PPM1L: variants seen among roughly 807,000 people sequenced by gnomAD.
The protein encoded by PPM1L is protein phosphatase 1L.
In PPM1L, 13 loss-of-function variants were observed where a neutral mutation model predicts 31.4. The ratio of observed to expected loss-of-function variants is 0.41; its 90% confidence interval spans 0.27 to 0.66. The LOEUF is 0.66. Ranked by LOEUF, PPM1L falls within the 30% of genes least tolerant of loss-of-function variation. The probability of loss-of-function intolerance (pLI) is 0.29; values close to 1 mark genes in which losing one functional copy is unlikely to be tolerated. For missense variants in PPM1L, 326 were observed against 453.7 expected (o/e 0.72, Z 2.56); for synonymous variants, 184 against 175.4 (o/e 1.05, Z -0.39).
chr3:160,870,365 A>G (rs1404863625), intron 1 of PPM1L, among the ~76,000 whole-genome samples: 1 of 152,252 alleles, frequency 6.6e-6, no homozygotes, highest in East Asian at 1.9e-4. Context: ...TTGCTAATGA[A>G]GACATCAGAA....
At chr3:160,961,634 T>C (rs7616249) in intron 1 of PPM1L, 102 bp from the exon 2 acceptor site, 380,719 of 972,508 alleles carry the variant, frequency 0.39, 78,429 homozygotes, top group East Asian at 0.73. Flanking sequence ...AGGGTTGGTT[T>C]CACAGTGCTT....
chr3:161,073,342 AAGAACACCCTTTGG>A lies in PPM1L; in HGVS notation c.*4186_*4199del, dbSNP rs1264056878. 6.6e-6 allele frequency: 1 copy of A among 152,180 alleles called. No individual in the cohort carries two copies. The highest frequency in any genetic ancestry group is 1.9e-4 in the East Asian group (1 of 5,190). The allele number at this position is 152,180 out of a possible 1,614,324, so 9.4% of individuals were successfully genotyped here. On this transcript the variant is annotated 3_prime_UTR_variant, in exon 4 of 4. Coordinates refer to ENST00000498165, the MANE Select transcript of PPM1L (RefSeq NM_139245.4). ...AACACTGCAAGGAACTTGTGTTCTA[AAGAACACCCTTTGG>A]GAAATTCTGGTATATTGAAATATTG...
rs552711640 is a variant in PPM1L at position 160,874,269 on chromosome 3, A to G, written c.400-87467A>G. ...ATTCTTTTTAGCAGTGGTGGTGTTG[A>G]GAGTCCAGCGACATCATTGTCTAGT... On this transcript the variant is annotated intron_variant, in intron 1 of 3. Transcript: ENST00000498165. Among the ~76,000 whole-genome samples the G allele has an allele frequency of 9.8e-5, 15 of 152,294 alleles. No individual in the cohort carries two copies. The East Asian group carries it at 2.5e-3, about 26-fold the overall frequency.
rs1428433202 is a variant in PPM1L at position 161,068,803 on chromosome 3, C to G, written c.737-8C>G. On this transcript the variant is annotated splice_polypyrimidine_tract_variant and splice_region_variant and intron_variant, in intron 3 of 3. Coordinates refer to ENST00000498165, the MANE Select transcript of PPM1L (RefSeq NM_139245.4). ...GGTCAAACTAATGGGCTCATCCTGT[C>G]TTTCTAGGTGGTTTCATCAGTTTCA... 6.2e-7 allele frequency: 1 copy of G among 1,601,150 alleles called. No homozygotes were observed. The highest frequency in any genetic ancestry group is 2.2e-5 in the East Asian group (1 of 44,790).
At chr3:160,934,226 T>C (rs751804537) in intron 1 of PPM1L, among the ~76,000 whole-genome samples, 7 of 152,228 alleles carry the variant, frequency 4.6e-5, no homozygotes, top group Non-Finnish European at 7.3e-5. Context: ...CTTTTGATTT[T>C]CTGTGCTCCC....
intron 2 of PPM1L, among the ~76,000 whole-genome samples, chr3:160,971,714 T>A (rs1260153524): frequency 6.6e-6 from 1 of 152,222 alleles, no homozygotes; most frequent in East Asian, 1.9e-4. Flanking sequence ...TGGTTATATG[T>A]TGGTGCCTTA....
rs76529484 is a variant in PPM1L at position 160,837,428 on chromosome 3, G to A, written c.399+80721G>A. Among the ~76,000 whole-genome samples the A allele has an allele frequency of 1.8e-4, 28 of 152,326 alleles. No individual in the cohort carries two copies. In the East Asian group the frequency reaches 5.4e-3, roughly 29 times the overall value. On this transcript the variant is annotated intron_variant, in intron 1 of 3. Coordinates refer to ENST00000498165, the MANE Select transcript of PPM1L (RefSeq NM_139245.4). ...GATAAATGAATTTCCTTGACTTCAA[G>A]CCACTGTTATTGTCAAGATAAAGTT...
rs978950165 is a variant in PPM1L, at chr3:161,069,254, T to C, written c.*97T>C. The C allele has an allele frequency of 4.3e-6, 4 of 929,204 alleles. No homozygotes were observed. Among genetic ancestry groups the C allele is most frequent in the Non-Finnish European group, 6.3e-6 (4 of 633,104 alleles). 57.6% of individuals were successfully genotyped at this position (929,204 alleles called of 1,614,324 possible). On this transcript the variant is annotated 3_prime_UTR_variant, in exon 4 of 4. Transcript: ENST00000498165. ...AGTGTGGGAGTTGTAATTAGGATCA[T>C]CCACCCCAGACATGGAATCCCCCCT...
intron 1 of PPM1L, among the ~76,000 whole-genome samples, chr3:160,900,416 T>C (rs1713500861): frequency 6.6e-6 from 1 of 152,108 alleles, no homozygotes; most frequent in Non-Finnish European, 1.5e-5. Context: ...TATATTTTCT[T>C]TCCTACTAGC....
intron 1 of PPM1L, among the ~76,000 whole-genome samples, chr3:160,960,254 A>T (rs991347998): frequency 3.9e-5 from 6 of 152,178 alleles, no homozygotes; most frequent in African/African-American, 1.4e-4. Flanking sequence ...AACTTTACAT[A>T]TTTATGAGGT....
At chr3:161,025,943 A>G (rs60875417) in intron 2 of PPM1L, among the ~76,000 whole-genome samples, 19,804 of 152,248 alleles carry the variant, frequency 0.13, 1,452 homozygotes, top group East Asian at 0.28. Context: ...AAAAGTTATT[A>G]AAGTTGAGTG....
chr3:161,049,655 T>A (rs557581870), intron 2 of PPM1L, among the ~76,000 whole-genome samples: 1 of 152,236 alleles, frequency 6.6e-6, no homozygotes, highest in Non-Finnish European at 1.5e-5. Context: ...TAATCCCATG[T>A]ACCTTGCAGG....
intron 1 of PPM1L, among the ~76,000 whole-genome samples, chr3:160,937,772 GC>G: frequency 6.6e-6 from 1 of 152,146 alleles, no homozygotes; most frequent in Non-Finnish European, 1.5e-5. Flanking sequence ...AATGTTTTAT[GC>G]CCTCAAAGCA....
intron 2 of PPM1L, among the ~76,000 whole-genome samples, chr3:160,972,598 A>G (rs1716387663): frequency 6.6e-6 from 1 of 152,162 alleles, no homozygotes; most frequent in South Asian, 2.1e-4. Flanking sequence ...CCAGTCTATC[A>G]TCATTGGACA....
intron 1 of PPM1L, among the ~76,000 whole-genome samples, chr3:160,824,792 A>T (rs1304662672): frequency 6.6e-6 from 1 of 152,102 alleles, no homozygotes; most frequent in African/African-American, 2.4e-5. Context: ...GTATTATGAG[A>T]CTAATTTTTT....
chr3:160,826,408 A>G (rs1440960175), intron 1 of PPM1L, among the ~76,000 whole-genome samples: 4 of 152,172 alleles, frequency 2.6e-5, no homozygotes, highest in Non-Finnish European at 4.4e-5. Flanking sequence ...GCTTTCTAAC[A>G]TACTTAGAGG....
chr3:160,968,862 G>A (rs1349177541), intron 2 of PPM1L, among the ~76,000 whole-genome samples: 1 of 152,198 alleles, frequency 6.6e-6, no homozygotes, highest in East Asian at 1.9e-4. Flanking sequence ...AGTTGCCTAA[G>A]CTGCTGCTTA....
At chr3:161,059,115 C>T (rs1021937276) in intron 2 of PPM1L, among the ~76,000 whole-genome samples, 2 of 152,078 alleles carry the variant, frequency 1.3e-5, no homozygotes, top group Middle Eastern at 3.2e-3. Context: ...AAAAACATGC[C>T]CATTTTGCTG....
intron 1 of PPM1L, among the ~76,000 whole-genome samples, chr3:160,877,449 AG>A (rs1712554727): frequency 5.3e-5 from 8 of 152,324 alleles, no homozygotes; most frequent in Admixed American, 3.3e-4. Flanking sequence ...AGTTATGCCC[AG>A]CTCATAGAAA....
Sources: allele counts gnomAD v4.1 joint callset (sites outside exome capture counted in the v4.1 genomes callset), GRCh38; gene constraint gnomAD v4.1.1; transcripts MANE v1.5; gene names NCBI Gene and HGNC (gene_info 2026-07-23, HGNC 2026-07-21).